Variants in EVC observed in about 807,000 individuals in gnomAD.
The protein encoded by EVC is EvC ciliary complex subunit 1.
EVC carries 116 observed loss-of-function variants against 118.9 expected under a neutral mutation model. The observed-to-expected ratio is 0.98, with a 90% confidence interval of 0.84 to 1.14. The LOEUF is 1.14. Ranked by LOEUF, EVC falls within the 50% of genes most tolerant of loss-of-function variation. The probability of loss-of-function intolerance (pLI) is 0.00; values close to 1 mark genes in which losing one functional copy is unlikely to be tolerated. For synonymous variants in EVC, 619 were observed against 534.7 expected, an observed-to-expected ratio of 1.16 and a Z score of -2.18; for missense variants, 1,401 against 1,246.4, an observed-to-expected ratio of 1.12 and a Z score of -1.87.
chr4:5,819,925 G>T, the EVC span, among the ~76,000 whole-genome samples: 1 of 152,162 alleles, frequency 6.6e-6, no homozygotes, highest in South Asian at 2.1e-4. Context: ...GAGGAGCGGG[G>T]GAGGAGAAGG....
intron 1 of EVC, among the ~76,000 whole-genome samples, chr4:5,714,179 C>T (rs186268517): frequency 6.6e-5 from 10 of 152,358 alleles, no homozygotes; most frequent in African/African-American, 2.4e-4. Context: ...CTTAACCTTC[C>T]ACGCTAGATC....
intron 5 of EVC, among the ~76,000 whole-genome samples, chr4:5,734,788 C>G (rs1727407022): frequency 6.6e-6 from 1 of 152,188 alleles, no homozygotes; most frequent in South Asian, 2.1e-4. Flanking sequence ...AATTCAAGAA[C>G]TAGAGCATGG....
chr4:5,799,530 C>T (rs1355309870), intron 15 of EVC, among the ~76,000 whole-genome samples: 2 of 152,202 alleles, frequency 1.3e-5, no homozygotes, highest in Admixed American at 6.5e-5. Context: ...GACCAGCATA[C>T]ACGCTGCGCC....
At chr4:5,736,405 TG>T (rs1352944979) in intron 5 of EVC, among the ~76,000 whole-genome samples, 1 of 152,076 alleles carries the variant, frequency 6.6e-6, no homozygotes, top group Non-Finnish European at 1.5e-5. Flanking sequence ...TACTGCACCA[TG>T]GTGACATCAG....
intron 14 of EVC, chr4:5,797,555 C>T: frequency 2.0e-6 from 1 of 490,410 alleles, no homozygotes; most frequent in South Asian, 2.1e-5. Flanking sequence ...GTGGGTGTCC[C>T]ATCTCTTATA....
intron 18 of EVC, 69 bp downstream of exon 18, chr4:5,808,396 C>T (rs891944722): frequency 7.5e-6 from 12 of 1,607,800 alleles, no homozygotes; most frequent in Non-Finnish European, 7.6e-6. Flanking sequence ...CTGAAGCCAG[C>T]CTGTGACCAC....
At chr4:5,824,657 C>T in the EVC span, 1 of 954,982 alleles carries the variant, frequency 1.0e-6, no homozygotes. Context: ...TTGAATATAA[C>T]ATCCTAGATG....
rs544186339 is a variant in EVC, at chr4:5,810,321, T to G, written c.2783-18T>G. The stretch of plus-strand genomic sequence containing the variant: ...CTAAAGTCACAGAGCCATGCCTGGG[T>G]TCATCTGTCCTCTACAGAGAAGCCC... On this transcript the variant is annotated intron_variant, in intron 19 of 20. Coordinates refer to ENST00000264956, the MANE Select transcript of EVC (RefSeq NM_153717.3). 91 of 1,594,740 alleles carry G rather than the reference T, an allele frequency of 5.7e-5. No individual in the cohort carries two copies. The Middle Eastern group carries it at 8.3e-4, about 15-fold the overall frequency.
intron 12 of EVC, among the ~76,000 whole-genome samples, chr4:5,785,608 G>A (rs1309971414): frequency 6.6e-6 from 1 of 152,156 alleles, no homozygotes; most frequent in East Asian, 1.9e-4. Context: ...TCTGTCAGTG[G>A]CATCCGGTTG....
At position 5,731,115 on chromosome 4, in the gene EVC, G is replaced by A. The variant is rs750416072; in HGVS notation, c.385-310G>A. 2.0e-5 allele frequency among the ~76,000 whole-genome samples: 3 copies of A among 152,090 alleles called. No individual in the cohort carries two copies. The highest frequency in any genetic ancestry group is 2.9e-5 in the Non-Finnish European group (2 of 68,012). ...CGGTGGCTATGGAGGAGGTAGGTCA[G>A]AGTTGGCAGCTGGGAGGAGGGTGCG... On this transcript the variant is annotated intron_variant, in intron 3 of 20. Transcript: ENST00000264956. This position sits in a 1 kb window ranked among gnomAD's most constrained non-coding sequence, Gnocchi z 5.6.
In EVC at chr4:5,748,666, C is replaced by A. The variant is rs184021386; in HGVS notation, c.1098+360C>A. 5.2e-4 allele frequency among the ~76,000 whole-genome samples: 41 copies of A among 78,318 alleles called. 1 individual carries two copies. Among genetic ancestry groups the A allele is most frequent in the Non-Finnish European group, 7.8e-4 (31 of 39,494 alleles). 51.4% of individuals were successfully genotyped at this position (78,318 alleles called of 152,430 possible). ...CACCCATTTATCCATCCATCCATCC[C>A]TCCATCCATCCATCCACCCACCCAT... is the stretch of plus-strand genomic sequence containing the variant. On this transcript the variant is annotated intron_variant, in intron 8 of 20. Transcript: ENST00000264956.
At chr4:5,828,787 CTA>C in the EVC span, 8 of 1,196,324 alleles carry the variant, frequency 6.7e-6, no homozygotes, top group African/African-American at 1.1e-4. Flanking sequence ...TTTTTTCTCT[CTA>C]AAAATACCTT....
downstream of EVC, among the ~76,000 whole-genome samples, chr4:5,815,526 TC>T (rs1371693216): frequency 1.3e-5 from 2 of 152,058 alleles, no homozygotes; most frequent in Non-Finnish European, 2.9e-5. Flanking sequence ...AACGAATCGA[TC>T]CAGAGGCAGG....
At chr4:5,733,165 GT>G (rs921405356) in intron 4 of EVC, among the ~76,000 whole-genome samples, 185 bp from the exon 5 acceptor site, 2 of 152,078 alleles carry the variant, frequency 1.3e-5, no homozygotes, top group African/African-American at 4.8e-5. Context: ...CCATTAGTGG[GT>G]TTCAAACAGC....
At chr4:5,758,310 C>A (rs1731497449) in intron 11 of EVC, 2 of 560,022 alleles carry the variant, frequency 3.6e-6, no homozygotes, top group African/African-American at 1.9e-5. Context: ...TGTCTTAATG[C>A]ACCCAGTTTG....
intron 17 of EVC, among the ~76,000 whole-genome samples, chr4:5,805,912 A>T (rs1229169461): frequency 1.5e-5 from 1 of 65,388 alleles, no homozygotes; most frequent in South Asian, 5.8e-4. Flanking sequence ...TTTTTTTTGA[A>T]GGAGTGACAG....
chr4:5,759,789 A>G (rs981241765), intron 11 of EVC, among the ~76,000 whole-genome samples: 2 of 152,158 alleles, frequency 1.3e-5, no homozygotes, highest in African/African-American at 2.4e-5. Context: ...TAGAAAGTTT[A>G]TTTTGCCAAG....
chr4:5,804,208 G>T (rs1715484929), intron 16 of EVC, among the ~76,000 whole-genome samples: 1 of 152,120 alleles, frequency 6.6e-6, no homozygotes, highest in South Asian at 2.1e-4. Flanking sequence ...AAAGTGCTGG[G>T]ATTACAAGCG....
downstream of EVC, among the ~76,000 whole-genome samples, chr4:5,815,260 T>C (rs1271513834): frequency 6.6e-6 from 1 of 152,050 alleles, no homozygotes; most frequent in Non-Finnish European, 1.5e-5. Context: ...TCCATGAGCT[T>C]TACAGTGAAT....
Sources: allele counts gnomAD v4.1 joint callset (sites outside exome capture counted in the v4.1 genomes callset), GRCh38; gene constraint gnomAD v4.1.1; non-coding constraint Gnocchi (gnomAD v3.1); transcripts MANE v1.5; gene names NCBI Gene and HGNC (gene_info 2026-07-23, HGNC 2026-07-21).